LAMC3: variants seen among roughly 807,000 people sequenced by gnomAD.
LAMC3 encodes laminin subunit gamma-3.
LAMC3 carries 128 observed loss-of-function variants against 173.8 expected under a neutral mutation model. The observed-to-expected ratio is 0.74, with a 90% CI of 0.64 to 0.85. The LOEUF is 0.85. Among genes scored for constraint, LAMC3 ranks in the 40% least tolerant of loss-of-function variants. The pLI is 0.00. For synonymous variants in LAMC3, 897 were observed against 909.1 expected (o/e 0.99, Z 0.24); for missense variants, 2,022 against 2,156.0 (o/e 0.94, Z 1.23).
chr9:131,061,381 A>G (rs1278603944), intron 13 of LAMC3, among the ~76,000 whole-genome samples, 158 bp downstream of exon 13: 1 of 152,210 alleles, frequency 6.6e-6, no homozygotes, highest in Non-Finnish European at 1.5e-5. Context: ...GAGGACACGG[A>G]ATCCCTCAGC....
intron 10 of LAMC3, 33 bp downstream of exon 10, chr9:131,052,716 A>T: frequency 6.3e-7 from 1 of 1,586,936 alleles, no homozygotes; most frequent in Non-Finnish European, 8.6e-7. Context: ...AGAGATGGGG[A>T]GGTGAGAGGG....
At chr9:131,066,665 C>T (rs1369365724) in intron 13 of LAMC3, among the ~76,000 whole-genome samples, 1 of 152,032 alleles carries the variant, frequency 6.6e-6, no homozygotes, top group African/African-American at 2.4e-5. Flanking sequence ...ACATGTCAGG[C>T]TGGATGTTAA....
intron 4 of LAMC3, among the ~76,000 whole-genome samples, chr9:131,037,384 CA>C (rs771621525): frequency 2.6e-5 from 4 of 152,204 alleles, no homozygotes; most frequent in Non-Finnish European, 5.9e-5. Context: ...CACATCGCTC[CA>C]GTCTGTCTAA....
chr9:131,062,877 TAA>T (rs760536917), intron 13 of LAMC3, among the ~76,000 whole-genome samples: 5 of 132,354 alleles, frequency 3.8e-5, no homozygotes, highest in Non-Finnish European at 3.3e-5. Context: ...TCAAAAAAAT[TAA>T]AAAAAAAAAA....
intron 7 of LAMC3, among the ~76,000 whole-genome samples, chr9:131,043,347 T>C (rs1210131824): frequency 6.6e-6 from 1 of 152,156 alleles, no homozygotes; most frequent in Non-Finnish European, 1.5e-5. Context: ...TGTCTGACAT[T>C]CACCAGAGCT....
At chr9:131,012,070 C>T (rs1026517401) in intron 1 of LAMC3, among the ~76,000 whole-genome samples, 7 of 151,630 alleles carry the variant, frequency 4.6e-5, no homozygotes, top group African/African-American at 1.2e-4. Flanking sequence ...CATACACACA[C>T]ACACACACAC....
chr9:131,071,267 C>A (rs540124959), intron 17 of LAMC3, among the ~76,000 whole-genome samples: 15 of 152,160 alleles, frequency 9.9e-5, no homozygotes, highest in African/African-American at 3.4e-4. Flanking sequence ...TCAGCGGTGT[C>A]GGCAGGTGCC....
chr9:131,069,087 G>A (rs781293283), intron 16 of LAMC3, 37 bp downstream of exon 16: 3 of 1,611,484 alleles, frequency 1.9e-6, no homozygotes, highest in Non-Finnish European at 2.5e-6. Flanking sequence ...TGCCCTGAGG[G>A]TGGGGCCCGA....
intron 11 of LAMC3, among the ~76,000 whole-genome samples, chr9:131,054,060 G>A (rs757047804): frequency 6.6e-6 from 1 of 151,944 alleles, no homozygotes; most frequent in Non-Finnish European, 1.5e-5. Context: ...GTAAAATGAA[G>A]CTGAGCTCTA....
At position 131,077,263 on chromosome 9, in the gene LAMC3, T is replaced by A. The variant is rs373626730; in HGVS notation, c.3706T>A (p.Leu1236Met). 1.9e-6 allele frequency: 3 copies of A among 1,614,070 alleles called. No homozygotes were observed. The African/African-American group carries it at 4.0e-5, about 22-fold the overall frequency. The change falls in exon 22 of 28, where the codon TTG becomes ATG. Residue 1236 changes from leucine (L) to methionine (M), a missense_variant. Coordinates refer to ENST00000361069, the MANE Select transcript of LAMC3 (RefSeq NM_006059.4). Reference sequence around the variant, plus strand: ...GGTGCTGCCTGAAGCGGAAAGCGTGTTGGCCACCGTGCAGCAAGTTGGCGC... The same window carrying A: ...GGTGCTGCCTGAAGCGGAAAGCGTGATGGCCACCGTGCAGCAAGTTGGCGC... Reference protein sequence around the residue: ...AEVLPEAESVLATVQQVGADT... With the variant: ...AEVLPEAESVMATVQQVGADT...
At chr9:131,014,278 T>C (rs71501237) in intron 1 of LAMC3, among the ~76,000 whole-genome samples, 12,632 of 152,342 alleles carry the variant, frequency 0.083, 900 homozygotes, top group African/African-American at 0.19. Flanking sequence ...GCGCCTTACA[T>C]GTGCTGTGGC....
intron 1 of LAMC3, among the ~76,000 whole-genome samples, chr9:131,013,966 T>C (rs1254481573): frequency 6.6e-6 from 1 of 152,226 alleles, no homozygotes; most frequent in Non-Finnish European, 1.5e-5. Context: ...AAGTCCTCCC[T>C]CCTGCTCCCT....
In LAMC3 at chr9:131,077,327, G is replaced by A. The variant is rs1830148060; in HGVS notation, c.3770G>A (p.Gly1257Glu). 6 of 1,613,750 alleles carry A rather than the reference G, an allele frequency of 3.7e-6. No homozygotes were observed. The highest frequency in any genetic ancestry group is 4.2e-6 in the Non-Finnish European group (5 of 1,180,044). Reference protein sequence around the residue: ...APYLALLASPGALPQKSRAED... With the variant: ...APYLALLASPEALPQKSRAED... ...TACCTGGCCTTGCTGGCTTCCCCGG[G>A]AGCTCTGGTCAGCTCAGTTGTCTCA... The change falls in exon 22 of 28, where the codon GGA (glycine) becomes GAA (glutamate). Residue 1257 changes from glycine to glutamate, a missense_variant. By Grantham distance (98) the Gly-to-Glu change is moderately conservative. Transcript: ENST00000361069.
In LAMC3 at chr9:131,079,130, G is replaced by A. The variant is rs143476072; in HGVS notation, c.3778-19G>A. The A allele has an allele frequency of 3.2e-5, 52 of 1,611,412 alleles. No individual in the cohort carries two copies. In the East Asian group the frequency reaches 1.1e-3, roughly 33 times the overall value. ...CCCTTCCTTTCCAGGCCCTGCCTGA[G>A]CGCATTGTCTCCCTGCAGCCTCAGA... On this transcript the variant is annotated intron_variant, in intron 22 of 27. Transcript: ENST00000361069.
chr9:131,063,868 C>T (rs1437137527), intron 13 of LAMC3, among the ~76,000 whole-genome samples: 1 of 152,176 alleles, frequency 6.6e-6, no homozygotes, highest in Non-Finnish European at 1.5e-5. Flanking sequence ...CCTTTCCGTT[C>T]CGTTCCGCCT....
In LAMC3 at chr9:131,039,209, G is replaced by C; in HGVS notation, c.1244G>C (p.Cys415Ser). The C allele has an allele frequency of 1.2e-6, 2 of 1,607,882 alleles. No individual in the cohort carries two copies. The highest frequency in any genetic ancestry group is 1.7e-6 in the Non-Finnish European group (2 of 1,179,996). ...PTVTGWKCDR[C>S]LPGFHSLSEG... ...GTGACTGGCTGGAAGTGTGACCGCT[G>C]TCTGCCCGGGTTCCACTCGCTCAGT... The change falls in exon 6 of 28, where the codon TGT (cysteine) becomes TCT (serine). Residue 415 changes from cysteine (C) to serine (S), a missense_variant. Transcript: ENST00000361069.
intron 3 of LAMC3, among the ~76,000 whole-genome samples, chr9:131,032,602 T>TGC (rs1833858053): frequency 2.1e-4 from 25 of 118,782 alleles, no homozygotes; most frequent in East Asian, 9.1e-4. Context: ...CTCACTCGCT[T>TGC]TCTCTCTCTC....
At chr9:131,035,918 G>A (rs188369385) in intron 3 of LAMC3, among the ~76,000 whole-genome samples, 5 of 152,172 alleles carry the variant, frequency 3.3e-5, no homozygotes, top group African/African-American at 4.8e-5. Context: ...GTGCCTCTCA[G>A]TTCACCCATC....
chr9:131,072,414 GA>G (rs1830050806), intron 18 of LAMC3, among the ~76,000 whole-genome samples: 1 of 152,166 alleles, frequency 6.6e-6, no homozygotes, highest in Non-Finnish European at 1.5e-5. Context: ...GTGTATGACT[GA>G]CTTGCTGTGG....
Sources: gnomAD v4.1 joint callset for allele counts (sites outside exome capture counted in the v4.1 genomes callset) on GRCh38, gnomAD v4.1.1 for gene constraint, MANE v1.5 for transcripts, NCBI Gene and HGNC (gene_info 2026-07-23, HGNC 2026-07-21) for gene names.